Variants in DLC1 observed in about 807,000 individuals in gnomAD.
DLC1 encodes DLC1 Rho GTPase activating protein.
In DLC1, 54 loss-of-function variants were observed where a neutral mutation model predicts 140.3. That is an observed-to-expected ratio of 0.38 (90% CI 0.31 to 0.48). The LOEUF is 0.48. DLC1 is among the 20% of genes least tolerant of loss of function. The pLI is 0.96. For missense variants in DLC1, 2,536 were observed against 1,907.0 expected (o/e 1.33, Z -6.14); for synonymous variants, 986 against 728.1 (o/e 1.35, Z -5.70).
chr8:13,475,205 C>G (rs973808658), intron 2 of DLC1, among the ~76,000 whole-genome samples: 1 of 152,070 alleles, frequency 6.6e-6, no homozygotes, highest in African/African-American at 2.4e-5. Context: ...GCTGTTTTTT[C>G]TGTCATGCCT....
intron 5 of DLC1, among the ~76,000 whole-genome samples, chr8:13,121,639 CTT>C (rs1212723014): frequency 6.6e-6 from 1 of 152,144 alleles, no homozygotes; most frequent in Non-Finnish European, 1.5e-5. Flanking sequence ...GCCTTGAACT[CTT>C]GGGCTCAAGA....
intron 5 of DLC1, among the ~76,000 whole-genome samples, chr8:13,195,036 GA>G (rs1417972343): frequency 6.6e-6 from 1 of 152,116 alleles, no homozygotes; most frequent in Admixed American, 6.6e-5. Flanking sequence ...AGTAAACCTA[GA>G]AAAACCAAAC....
chr8:13,494,757 G>T (rs1585202239), intron 2 of DLC1, among the ~76,000 whole-genome samples: 1 of 151,944 alleles, frequency 6.6e-6, no homozygotes, highest in South Asian at 2.1e-4. Context: ...TTGAGACCAG[G>T]CTGGCCAACA....
At chr8:13,460,814 G>A (rs559629647) in intron 2 of DLC1, among the ~76,000 whole-genome samples, 11 of 152,328 alleles carry the variant, frequency 7.2e-5, no homozygotes, top group South Asian at 2.1e-4. Context: ...TGCAATAAGC[G>A]CCTGTGCTCT....
chr8:13,204,112 A>G (rs2117079742), intron 5 of DLC1, among the ~76,000 whole-genome samples: 1 of 152,234 alleles, frequency 6.6e-6, no homozygotes, highest in South Asian at 2.1e-4. Context: ...GCTCAGGGGG[A>G]AAAAAGACTG....
chr8:13,310,280 G>T, intron 4 of DLC1, among the ~76,000 whole-genome samples: 1 of 152,296 alleles, frequency 6.6e-6, no homozygotes, highest in Admixed American at 6.5e-5. Flanking sequence ...TTGGAGTACT[G>T]TTTAAGTGTA....
chr8:13,098,701 G>C lies in DLC1; in HGVS notation c.2991-126C>G, dbSNP rs1818719801. ...TGCCATCACAGCTCACTGCAGCCTT[G>C]AACTCCTCAGCTCAAGTGATCCTCC... On this transcript the variant is annotated intron_variant, in intron 9 of 17. Coordinates refer to ENST00000276297, the MANE Select transcript of DLC1 (RefSeq NM_182643.3). The C allele has an allele frequency of 5.9e-6, 6 of 1,011,692 alleles. No homozygotes were observed. In the Admixed American group the frequency reaches 1.4e-4, roughly 24 times the overall value. 62.7% of individuals were successfully genotyped at this position (1,011,692 alleles called of 1,614,324 possible). A position where few individuals can be genotyped will look rare whatever the true frequency, so the allele number is the denominator to read the frequency against.
chr8:13,087,638 A>G (rs557122527), intron 16 of DLC1, among the ~76,000 whole-genome samples: 2 of 152,342 alleles, frequency 1.3e-5, no homozygotes, highest in South Asian at 4.1e-4. Flanking sequence ...CTCTTTGAAA[A>G]AAGAGCCCAT....
At position 13,501,353 on chromosome 8, in the gene DLC1, C is replaced by T. The variant is rs543912066; in HGVS notation, c.-125-1157G>A. 1.1e-4 allele frequency among the ~76,000 whole-genome samples: 16 copies of T among 152,232 alleles called. No individual in the cohort carries two copies. The South Asian group carries it at 2.7e-3, about 26-fold the overall frequency. On this transcript the variant is annotated intron_variant, in intron 1 of 17. Coordinates refer to ENST00000276297, the MANE Select transcript of DLC1 (RefSeq NM_182643.3). ...AGAAATAATACCAGTGTCAACTCAA[C>T]GTTATAAAAATGACTAACCCAAATT...
chr8:13,197,116 C>G (rs536042944), intron 5 of DLC1, among the ~76,000 whole-genome samples: 3 of 152,196 alleles, frequency 2.0e-5, no homozygotes, highest in African/African-American at 4.8e-5. Flanking sequence ...ATATAGTTTC[C>G]TACCTGGGGG....
At chr8:13,243,630 T>A (rs1474144303) in intron 5 of DLC1, among the ~76,000 whole-genome samples, 1 of 152,210 alleles carries the variant, frequency 6.6e-6, no homozygotes, top group Admixed American at 6.5e-5. Flanking sequence ...TTTTTCTAGA[T>A]CTTTGTTTCT....
intron 2 of DLC1, among the ~76,000 whole-genome samples, chr8:13,486,729 A>G (rs1800985768): frequency 4.6e-5 from 1 of 21,878 alleles, no homozygotes. Flanking sequence ...GATGACACCT[A>G]GCATGGTCCA....
intron 5 of DLC1, among the ~76,000 whole-genome samples, chr8:13,219,569 T>A (rs926788988): frequency 3.3e-5 from 5 of 151,506 alleles, no homozygotes; most frequent in Admixed American, 3.3e-4. Context: ...CTGACTCAAA[T>A]TCAAATTTCC....
intron 4 of DLC1, among the ~76,000 whole-genome samples, chr8:13,349,338 T>C (rs1029684550): frequency 4.0e-5 from 6 of 151,896 alleles, no homozygotes; most frequent in African/African-American, 1.5e-4. Flanking sequence ...AATCACAGAA[T>C]AAGCAGATTC....
rs910135484 is a variant in DLC1, at chr8:13,345,131, C to A, written c.1315-39829G>T. Among the ~76,000 whole-genome samples the A allele has an allele frequency of 2.0e-5, 3 of 152,120 alleles. No individual in the cohort carries two copies. The East Asian group carries it at 5.8e-4, about 29-fold the overall frequency. ...GATTGTAATACTTTGGGTGGAGACTCATTTGTCCACGTGTGATATGGTTGG... is the reference window on the plus strand; with the variant it reads ...GATTGTAATACTTTGGGTGGAGACTAATTTGTCCACGTGTGATATGGTTGG... On this transcript the variant is annotated intron_variant, in intron 4 of 17. Transcript: ENST00000276297.
intron 5 of DLC1, chr8:13,214,585 G>A (rs759044308): frequency 3.4e-6 from 2 of 594,124 alleles, no homozygotes; most frequent in Non-Finnish European, 6.1e-6. Context: ...GTGGCTGCCC[G>A]AGGAAATTGG....
At chr8:13,468,772 G>T (rs367892529) in intron 2 of DLC1, among the ~76,000 whole-genome samples, 1 of 138,970 alleles carries the variant, frequency 7.2e-6, no homozygotes, top group South Asian at 2.3e-4. Context: ...CAAAGGATTG[G>T]CTTTTTAGTT....
At chr8:13,386,023 A>G (rs929603205) in intron 4 of DLC1, among the ~76,000 whole-genome samples, 1 of 152,192 alleles carries the variant, frequency 6.6e-6, no homozygotes, top group Non-Finnish European at 1.5e-5. Flanking sequence ...ATGATGTGGC[A>G]TGCTGTTGGC....
At chr8:13,170,655 G>A (rs1009940801) in intron 5 of DLC1, among the ~76,000 whole-genome samples, 1 of 151,506 alleles carries the variant, frequency 6.6e-6, no homozygotes, top group Non-Finnish European at 1.5e-5. Flanking sequence ...GCGTGAACCC[G>A]GGAGGCGGAG....
Sources: gnomAD v4.1 joint callset for allele counts (sites outside exome capture counted in the v4.1 genomes callset) on GRCh38, gnomAD v4.1.1 for gene constraint, MANE v1.5 for transcripts, NCBI Gene and HGNC (gene_info 2026-07-23, HGNC 2026-07-21) for gene names.